The following PANK1 variants were observed in gnomAD, a reference collection of about 807,000 sequenced individuals.
PANK1 encodes pantothenic acid kinase 1.
Under a neutral mutation model 40.1 loss-of-function variants are expected in PANK1, and 18 were observed. That is an observed-to-expected ratio of 0.45 (90% CI 0.31 to 0.67). The LOEUF (loss-of-function observed/expected upper bound fraction) is 0.67, where lower values mean the gene tolerates loss of function less well. Ranked by LOEUF, PANK1 falls within the 30% of genes least tolerant of loss-of-function variation. The probability of loss-of-function intolerance (pLI) is 0.06; values close to 1 mark genes in which losing one functional copy is unlikely to be tolerated. For missense variants in PANK1, 457 were observed against 599.6 expected (o/e 0.76, Z 2.48); for synonymous variants, 242 against 237.7 (o/e 1.02, Z -0.17).
intron 1 of PANK1, among the ~76,000 whole-genome samples, chr10:89,612,931 A>G (rs1021531175): frequency 2.6e-5 from 4 of 152,230 alleles, no homozygotes; most frequent in African/African-American, 9.6e-5. Context: ...CTACTAAACC[A>G]GAGGAACCAT....
intron 1 of PANK1, among the ~76,000 whole-genome samples, chr10:89,622,828 C>T (rs531556606): frequency 4.0e-4 from 59 of 149,148 alleles, no homozygotes; most frequent in African/African-American, 1.4e-3. Flanking sequence ...CAGAGCGAGA[C>T]TCCATTCCAA....
At chr10:89,596,149 T>C (rs531772721) in intron 3 of PANK1, among the ~76,000 whole-genome samples, 1 of 152,232 alleles carries the variant, frequency 6.6e-6, no homozygotes, top group East Asian at 1.9e-4. Context: ...CCTACAAAAC[T>C]ACGGTGGGAA....
At chr10:89,607,622 T>G (rs1354670837) in intron 2 of PANK1, among the ~76,000 whole-genome samples, 1 of 152,208 alleles carries the variant, frequency 6.6e-6, no homozygotes, top group East Asian at 1.9e-4. Flanking sequence ...TGAAAAGCTA[T>G]ATGGGCAGAA....
chr10:89,637,899 A>G (rs892812055), intron 1 of PANK1, among the ~76,000 whole-genome samples: 3 of 150,408 alleles, frequency 2.0e-5, no homozygotes, highest in Non-Finnish European at 3.0e-5. Flanking sequence ...TTCTCATTCT[A>G]CAAGCTTTTT....
intron 5 of PANK1, chr10:89,592,610 T>G (rs924880624): frequency 2.2e-6 from 1 of 450,436 alleles, no homozygotes; most frequent in African/African-American, 2.0e-5. Flanking sequence ...TTTATACACC[T>G]TGTATTTCAG....
intron 2 of PANK1, among the ~76,000 whole-genome samples, chr10:89,609,629 A>T (rs771296726): frequency 5.9e-5 from 9 of 152,242 alleles, no homozygotes; most frequent in Non-Finnish European, 1.0e-4. Flanking sequence ...GCTGAGACTC[A>T]GCCTGGATAC....
In PANK1 at chr10:89,594,849, G is replaced by T. The variant is rs191276843; in HGVS notation, c.900-860C>A. ...AAGTTACCTAATGGAAAGAAAAGCA[G>T]ATTCAGAGTAAAGTATCGCCAGTGA... is the stretch of plus-strand genomic sequence containing the variant. On this transcript the variant is annotated intron_variant, in intron 3 of 6. Transcript: ENST00000307534. Among the ~76,000 whole-genome samples, 4 of 152,334 alleles carry T rather than the reference G, an allele frequency of 2.6e-5. No homozygotes were observed. In the East Asian group the frequency reaches 7.7e-4, roughly 29 times the overall value.
intron 5 of PANK1, chr10:89,592,971 C>T (rs1402907180): frequency 5.3e-6 from 3 of 566,478 alleles, no homozygotes; most frequent in Non-Finnish European, 9.7e-6. Flanking sequence ...CCTGTTTCCA[C>T]AGGTGAATGG....
chr10:89,617,214 C>T (rs1845346718), intron 1 of PANK1, among the ~76,000 whole-genome samples: 1 of 152,214 alleles, frequency 6.6e-6, no homozygotes. Context: ...CTGGCCTATT[C>T]CAACTGATAA....
intron 1 of PANK1, among the ~76,000 whole-genome samples, chr10:89,620,091 C>T (rs865790408): frequency 4.6e-5 from 7 of 152,190 alleles, no homozygotes; most frequent in Non-Finnish European, 7.3e-5. Flanking sequence ...CTCTTAATCT[C>T]GTCATCTTCG....
chr10:89,637,703 T>A (rs984788661), intron 1 of PANK1, among the ~76,000 whole-genome samples: 1 of 152,206 alleles, frequency 6.6e-6, no homozygotes, highest in African/African-American at 2.4e-5. Flanking sequence ...TTACAAACAT[T>A]GTTCACTTAG....
At chr10:89,608,723 A>G (rs1261748503) in intron 2 of PANK1, among the ~76,000 whole-genome samples, 2 of 152,248 alleles carry the variant, frequency 1.3e-5, no homozygotes, top group Non-Finnish European at 2.9e-5. Context: ...ATTTTATACA[A>G]TAACAATAAC....
At position 89,621,056 on chromosome 10, in the gene PANK1, CTTTGGGAGG is replaced by C. The variant is rs1564631712; in HGVS notation, c.293-9017_293-9009del. 3.8e-4 allele frequency among the ~76,000 whole-genome samples: 58 copies of C among 152,310 alleles called. No individual in the cohort carries two copies. The Middle Eastern group carries it at 0.014, about 36-fold the overall frequency. On this transcript the variant is annotated intron_variant, in intron 1 of 6. Coordinates refer to ENST00000307534, the MANE Select transcript of PANK1 (RefSeq NM_148977.3). ...GTGGTTCACGCCTGTAATCCCAGCA[CTTTGGGAGG>C]CTGAGATGGGTGGATCATCTGAGGT... is the stretch of plus-strand genomic sequence containing the variant.
At chr10:89,586,401 G>T (rs373625652) in intron 6 of PANK1, among the ~76,000 whole-genome samples, 1 of 152,024 alleles carries the variant, frequency 6.6e-6, no homozygotes, top group Non-Finnish European at 1.5e-5. Flanking sequence ...CTGGCTGTGG[G>T]GGGTAGGGAG....
intron 1 of PANK1, 49 bp from the exon 2 acceptor site, chr10:89,612,097 A>C: frequency 6.9e-7 from 1 of 1,454,396 alleles, no homozygotes. Flanking sequence ...CGTGCAAAGA[A>C]GTGTTCAGTT....
In PANK1 at chr10:89,583,015, C is replaced by A. The variant is rs1240168371; in HGVS notation, c.*1391G>T. On this transcript the variant is annotated 3_prime_UTR_variant, in exon 7 of 7. Transcript: ENST00000307534. ...ACAACAGAAACAGGCTTTATTTCAA[C>A]CAGACAAGTGAATTCTTCAATTAAC... is the stretch of plus-strand genomic sequence containing the variant. The A allele has an allele frequency of 6.6e-6, 1 of 152,252 alleles. No individual in the cohort carries two copies. Among genetic ancestry groups the A allele is most frequent in the South Asian group, 2.1e-4 (1 of 4,828 alleles). 9.4% of individuals were successfully genotyped at this position (152,252 alleles called of 1,614,324 possible).
chr10:89,641,338 A>C (rs1371248159), intron 1 of PANK1, among the ~76,000 whole-genome samples: 1 of 152,190 alleles, frequency 6.6e-6, no homozygotes, highest in East Asian at 1.9e-4. Context: ...TAGGAAATTA[A>C]AGCCTTATAC....
chr10:89,621,223 C>T (rs1845474542), intron 1 of PANK1, among the ~76,000 whole-genome samples: 2 of 152,020 alleles, frequency 1.3e-5, no homozygotes, highest in African/African-American at 2.4e-5. Flanking sequence ...ATTGCTTGAA[C>T]CCGGGAGGTG....
intron 1 of PANK1, among the ~76,000 whole-genome samples, chr10:89,632,525 C>T (rs1192031381): frequency 6.6e-6 from 1 of 151,900 alleles, no homozygotes; most frequent in Non-Finnish European, 1.5e-5. Flanking sequence ...TTCCTCAATC[C>T]ACAATGAACA....
Sources: allele counts gnomAD v4.1 joint callset (sites outside exome capture counted in the v4.1 genomes callset), GRCh38; gene constraint gnomAD v4.1.1; transcripts MANE v1.5; gene names NCBI Gene and HGNC (gene_info 2026-07-23, HGNC 2026-07-21).